Variants in ECT2L observed in about 807,000 individuals in gnomAD.
The protein encoded by ECT2L is epithelial cell transforming 2 like.
A neutral mutation model predicts 122.8 loss-of-function variants in ECT2L; 126 were observed. The observed-to-expected ratio is 1.03, with a 90% CI of 0.89 to 1.19. The LOEUF (loss-of-function observed/expected upper bound fraction) is 1.19, where lower values mean the gene tolerates loss of function less well. Ranked by LOEUF, ECT2L falls within the 50% of genes most tolerant of loss-of-function variation. The pLI is 0.00. For synonymous variants in ECT2L, 385 were observed against 381.8 expected (o/e 1.01, Z -0.10); for missense variants, 1,012 against 1,064.1 (o/e 0.95, Z 0.68).
In ECT2L at chr6:138,862,678, T is replaced by C. The variant is rs1322386856; in HGVS notation, c.1250T>C (p.Phe417Ser). 1.2e-6 allele frequency: 2 copies of C among 1,614,224 alleles called. No homozygotes were observed. The highest frequency in any genetic ancestry group is 1.7e-6 in the Non-Finnish European group (2 of 1,180,026). ...CTGTCTCAACTAACTGGCACGTTCT[T>C]TACGGCCCCCACTGGGATTGCAACT... ...SQLSQLTGTF[F>S]TAPTGIATGS... Residue 417 changes from phenylalanine (F) to serine (S), a missense_variant, in exon 11 of 22, where the codon TTT becomes TCT. Coordinates refer to ENST00000541398, the MANE Select transcript of ECT2L (RefSeq NM_001077706.3).
At chr6:138,857,214 T>G (rs1777641461) in intron 10 of ECT2L, among the ~76,000 whole-genome samples, 1 of 152,150 alleles carries the variant, frequency 6.6e-6, no homozygotes, top group Admixed American at 6.6e-5. Context: ...TAGTATCTCC[T>G]GCCTTAAAAA....
chr6:138,812,574 C>A (rs546097588), intron 1 of ECT2L, among the ~76,000 whole-genome samples: 2 of 152,110 alleles, frequency 1.3e-5, no homozygotes, highest in Admixed American at 1.3e-4. Flanking sequence ...GAGGCTGAGG[C>A]GGGCAGATCA....
Position 138,895,722 on chromosome 6 carries a change from C to A in ECT2L, c.2415-5226C>A, listed in dbSNP as rs371458557. Among the ~76,000 whole-genome samples the A allele has an allele frequency of 2.0e-5, 3 of 152,150 alleles. 1 individual carries two copies. ...AAAAAGCTTGAAGTACAGGGGCGTG[C>A]CACCACTCCCAGCTAATTTTTTTGT... is the stretch of plus-strand genomic sequence containing the variant. On this transcript the variant is annotated intron_variant, in intron 20 of 21. Transcript: ENST00000541398.
intron 13 of ECT2L, among the ~76,000 whole-genome samples, chr6:138,869,667 A>T (rs1157407594): frequency 6.6e-6 from 1 of 152,196 alleles, no homozygotes; most frequent in Admixed American, 6.5e-5. Flanking sequence ...AGTTCAGTGT[A>T]CTTATTTCCA....
At chr6:138,800,894 G>A (rs1400487463) in intron 1 of ECT2L, among the ~76,000 whole-genome samples, 1 of 152,178 alleles carries the variant, frequency 6.6e-6, no homozygotes, top group East Asian at 1.9e-4. Context: ...GGTCTGGTTG[G>A]TTGGTGAGGG....
At chr6:138,887,380 C>T (rs1189618069) in intron 19 of ECT2L, among the ~76,000 whole-genome samples, 10 of 152,070 alleles carry the variant, frequency 6.6e-5, no homozygotes, top group Non-Finnish European at 1.2e-4. Flanking sequence ...GTGTCCACCA[C>T]CACGCCCAGC....
intron 8 of ECT2L, among the ~76,000 whole-genome samples, chr6:138,847,062 G>A (rs1399811974): frequency 6.6e-6 from 1 of 150,678 alleles, no homozygotes; most frequent in Non-Finnish European, 1.5e-5. Context: ...GAGGTCAGGA[G>A]TTCAAAACCA....
chr6:138,847,355 CTTTTTTTTTTTTTTTTTTT>C (rs1170631663), intron 8 of ECT2L, among the ~76,000 whole-genome samples: 3 of 54,906 alleles, frequency 5.5e-5, no homozygotes, highest in Non-Finnish European at 9.2e-5. Context: ...AAGGCCCAAA[CTTTTTTTTTTTTTTTTTTT>C]TTTTTTTTTT....
chr6:138,809,272 C>T (rs1235796975), intron 1 of ECT2L, among the ~76,000 whole-genome samples: 1 of 152,122 alleles, frequency 6.6e-6, no homozygotes. Flanking sequence ...TTATCAAAAA[C>T]ACTTGTTGGG....
chr6:138,885,709 T>C lies in ECT2L; in HGVS notation c.2138T>C (p.Phe713Ser), dbSNP rs750334481. 9.3e-6 allele frequency: 15 copies of C among 1,614,076 alleles called. No homozygotes were observed. The highest frequency in any genetic ancestry group is 1.6e-4 in the Middle Eastern group (1 of 6,084). Residue 713 changes from phenylalanine to serine, a missense_variant, in exon 18 of 22, where the codon TTT (phenylalanine) becomes TCT (serine). Physicochemically the swap from Phe to Ser is radical, Grantham distance 155. Coordinates refer to ENST00000541398, the MANE Select transcript of ECT2L (RefSeq NM_001077706.3). The stretch of plus-strand genomic sequence containing the variant: ...CTGCTGCTGTACCCATCCCGAAGAT[T>C]TGAAGAATACCTTAATCTTCTCTAC... ...PELLLYPSRR[F>S]EEYLNLLYAV...
intron 4 of ECT2L, among the ~76,000 whole-genome samples, chr6:138,819,756 G>A (rs1022366772): frequency 1.1e-4 from 16 of 151,768 alleles, no homozygotes; most frequent in African/African-American, 3.6e-4. Flanking sequence ...GCGTGGTGGC[G>A]GGCACCTCTA....
chr6:138,832,028 AT>A (rs201203873), intron 4 of ECT2L, among the ~76,000 whole-genome samples: 6 of 128,262 alleles, frequency 4.7e-5, no homozygotes, highest in African/African-American at 5.9e-5. Flanking sequence ...AATGTCTTCA[AT>A]TTTTTTTATC....
chr6:138,839,326 T>G (rs1776959779), intron 5 of ECT2L, among the ~76,000 whole-genome samples: 1 of 152,066 alleles, frequency 6.6e-6, no homozygotes, highest in Non-Finnish European at 1.5e-5. Context: ...CTCTTCATTT[T>G]CTTGTAAAAT....
At chr6:138,895,386 T>C (rs1217320134) in intron 20 of ECT2L, among the ~76,000 whole-genome samples, 3 of 152,142 alleles carry the variant, frequency 2.0e-5, no homozygotes, top group African/African-American at 4.8e-5. Flanking sequence ...AACCACGTTA[T>C]GGGTGGGCAA....
At chr6:138,842,570 G>A (rs1441810779) in intron 5 of ECT2L, among the ~76,000 whole-genome samples, 1 of 152,184 alleles carries the variant, frequency 6.6e-6, no homozygotes, top group Non-Finnish European at 1.5e-5. Context: ...AGGAGATGGA[G>A]ACCATCCTGG....
intron 4 of ECT2L, among the ~76,000 whole-genome samples, chr6:138,834,337 AT>A (rs575755002): frequency 5.3e-5 from 8 of 150,998 alleles, no homozygotes; most frequent in East Asian, 3.9e-4. Context: ...CTGATCATGT[AT>A]TTTTTTTTAA....
chr6:138,838,059 C>T (rs748997808), intron 4 of ECT2L, among the ~76,000 whole-genome samples: 3 of 152,076 alleles, frequency 2.0e-5, no homozygotes, highest in African/African-American at 7.2e-5. Flanking sequence ...CACCACCATA[C>T]TCAGCTAATG....
chr6:138,868,195 AAAG>A lies in ECT2L; in HGVS notation c.1572_1574del (p.Glu524del). 6.2e-7 allele frequency: 1 copy of A among 1,612,200 alleles called. No individual in the cohort carries two copies. The highest frequency in any genetic ancestry group is 8.5e-7 in the Non-Finnish European group (1 of 1,179,332). The stretch of plus-strand genomic sequence containing the variant: ...GGCAGATGGATTGATGGAGTTGTCA[AAAG>A]AAGATTCTGTAAGTGTTTCTTTGAA... On this transcript the variant is annotated inframe_deletion, in exon 13 of 22. Transcript: ENST00000541398.
At chr6:138,886,954 T>G in intron 19 of ECT2L, 32 bp downstream of exon 19, 1 of 1,552,062 alleles carries the variant, frequency 6.4e-7, no homozygotes, top group South Asian at 1.1e-5. Context: ...CTGTATCTCA[T>G]GCTCATGAAT....
Sources: gnomAD v4.1 joint callset for allele counts (sites outside exome capture counted in the v4.1 genomes callset) on GRCh38, gnomAD v4.1.1 for gene constraint, MANE v1.5 for transcripts, NCBI Gene and HGNC (gene_info 2026-07-23, HGNC 2026-07-21) for gene names.